Variants in NICOL1 observed in about 807,000 individuals in gnomAD.
NICOL1 encodes the protein NELL2 interacting cell ontogeny regulator 1, also known as NELL2-interacting cell ontogeny regulator 1.
chr4:2,041,960 G>A, the NICOL1 span: 99 of 1,452,866 alleles, frequency 6.8e-5, no homozygotes, highest in East Asian at 2.8e-3. Flanking sequence ...CGACGACGTC[G>A]GATGGGGAAC....
the NICOL1 span, among the ~76,000 whole-genome samples, chr4:2,037,522 A>G: frequency 6.6e-6 from 1 of 152,388 alleles, no homozygotes; most frequent in South Asian, 2.1e-4. Flanking sequence ...TGCTTAGATT[A>G]GAATATAAGA....
At chr4:2,038,231 CAG>C in the NICOL1 span, among the ~76,000 whole-genome samples, 2 of 88,778 alleles carry the variant, frequency 2.3e-5, no homozygotes, top group South Asian at 7.3e-4. Flanking sequence ...ATTAAGTGAT[CAG>C]TGTGTATATA....
At chr4:2,043,481 C>G in the NICOL1 span, among the ~76,000 whole-genome samples, 1 of 152,198 alleles carries the variant, frequency 6.6e-6, no homozygotes, top group Non-Finnish European at 1.5e-5. Flanking sequence ...AGGGCTCCGA[C>G]TAAGACCTGG....
At chr4:2,038,000 G>A in the NICOL1 span, among the ~76,000 whole-genome samples, 1 of 151,062 alleles carries the variant, frequency 6.6e-6, no homozygotes, top group Admixed American at 6.6e-5. Flanking sequence ...TTTCTAGGAT[G>A]CTATTTTTGT....
chr4:2,042,429 G>A, the NICOL1 span: 2 of 460,632 alleles, frequency 4.3e-6, no homozygotes, highest in East Asian at 7.4e-5. Flanking sequence ...TGAGTCTGGC[G>A]CTGCTGGGCG....
At chr4:2,039,694 G>A in the NICOL1 span, among the ~76,000 whole-genome samples, 3 of 151,956 alleles carry the variant, frequency 2.0e-5, no homozygotes, top group Admixed American at 2.0e-4. Context: ...ACAAAAATTA[G>A]CCGGGTGTGG....
At chr4:2,039,882 T>C in the NICOL1 span, among the ~76,000 whole-genome samples, 2 of 152,084 alleles carry the variant, frequency 1.3e-5, no homozygotes, top group South Asian at 4.1e-4. Context: ...TAATTCTGTA[T>C]ATAAAGTGCA....
At chr4:2,042,285 G>A in the NICOL1 span, 1 of 831,116 alleles carries the variant, frequency 1.2e-6, no homozygotes, top group South Asian at 2.6e-5. Flanking sequence ...CACCGGCCCG[G>A]GGCGGGCGGG....
At chr4:2,042,857 C>A in the NICOL1 span, 2 of 1,426,492 alleles carry the variant, frequency 1.4e-6, no homozygotes, top group East Asian at 2.9e-5. Context: ...TCCTCCCGGG[C>A]TTCCCAGGGG....
the NICOL1 span, chr4:2,042,602 C>T: frequency 5.7e-6 from 3 of 524,528 alleles, no homozygotes; most frequent in Non-Finnish European, 9.8e-6. Flanking sequence ...CGGGTCCTCC[C>T]CTTCGCGGGA....
chr4:2,043,375 C>A, the NICOL1 span, among the ~76,000 whole-genome samples: 247 of 152,236 alleles, frequency 1.6e-3, no homozygotes, highest in African/African-American at 5.7e-3. Flanking sequence ...CAAGCTTCTT[C>A]CTGGAAAGGG....
chr4:2,041,987 C>T, the NICOL1 span: 4 of 1,466,326 alleles, frequency 2.7e-6, no homozygotes, highest in Admixed American at 1.2e-4. Flanking sequence ...GGGGTCGGGT[C>T]GGAGCGCATG....
chr4:2,038,255 A>ATATATATG, the NICOL1 span, among the ~76,000 whole-genome samples: 1 of 66,892 alleles, frequency 1.5e-5, no homozygotes, highest in Non-Finnish European at 2.9e-5. Flanking sequence ...ATATATATAT[A>ATATATATG]TATATATATA....
chr4:2,037,319 T>G, the NICOL1 span, among the ~76,000 whole-genome samples: 1 of 152,184 alleles, frequency 6.6e-6, no homozygotes, highest in South Asian at 2.1e-4. Flanking sequence ...GGTCTCGAAC[T>G]CCTGCCTCCA....
the NICOL1 span, chr4:2,042,184 G>A: frequency 1.4e-6 from 2 of 1,444,362 alleles, no homozygotes; most frequent in Non-Finnish European, 1.8e-6. Flanking sequence ...AGGTGGGGAG[G>A]GGGCTCCCGG....
chr4:2,040,395 C>T, the NICOL1 span, among the ~76,000 whole-genome samples: 1 of 152,168 alleles, frequency 6.6e-6, no homozygotes, highest in Non-Finnish European at 1.5e-5. Context: ...TGTCCGTGGG[C>T]GCGACTGTCC....
At chr4:2,042,192 CG>C in the NICOL1 span, 1 of 807,554 alleles carries the variant, frequency 1.2e-6, no homozygotes, top group Non-Finnish European at 1.6e-6. Flanking sequence ...AGGGGGCTCC[CG>C]GGCCCGGGGT....
chr4:2,036,622 G>C, the NICOL1 span, among the ~76,000 whole-genome samples: 1 of 152,212 alleles, frequency 6.6e-6, no homozygotes, highest in South Asian at 2.1e-4. Context: ...AACATGTTCA[G>C]GGCGGCCCTC....
chr4:2,038,989 CAAAG>C, the NICOL1 span, among the ~76,000 whole-genome samples: 278 of 152,236 alleles, frequency 1.8e-3, 1 homozygote, highest in African/African-American at 6.4e-3. Context: ...GTATCAAAAT[CAAAG>C]AAAGCATTAA....
Sources: allele counts gnomAD v4.1 joint callset (sites outside exome capture counted in the v4.1 genomes callset), GRCh38; gene constraint gnomAD v4.1.1; transcripts MANE v1.5; gene names NCBI Gene and HGNC (gene_info 2026-07-23, HGNC 2026-07-21).